The following RBMS1 variants were observed in gnomAD, a reference collection of about 807,000 sequenced individuals.
RBMS1 encodes RNA binding motif single stranded interacting protein 1, also known as RNA-binding motif, single-stranded-interacting protein 1.
RBMS1 carries 17 observed loss-of-function variants against 62.3 expected under a neutral mutation model. The observed-to-expected ratio is 0.27, with a 90% CI of 0.19 to 0.41. The LOEUF (loss-of-function observed/expected upper bound fraction) is 0.41. Ranked by LOEUF, RBMS1 falls within the 10% of genes least tolerant of loss-of-function variation. The probability of loss-of-function intolerance (pLI) is 1.00; values close to 1 mark genes in which losing one functional copy is unlikely to be tolerated. For synonymous variants in RBMS1, 172 were observed against 170.0 expected, an observed-to-expected ratio of 1.01 and a Z score of -0.09; for missense variants, 334 against 504.5, an observed-to-expected ratio of 0.66 and a Z score of 3.24.
At chr2:160,438,115 C>T (rs1683190024) in intron 1 of RBMS1, among the ~76,000 whole-genome samples, 1 of 152,158 alleles carries the variant, frequency 6.6e-6, no homozygotes. Context: ...TTCTCAAGTC[C>T]TTTTTCTTTT....
At chr2:160,326,205 G>T (rs916952847) in intron 2 of RBMS1, among the ~76,000 whole-genome samples, 2 of 152,146 alleles carry the variant, frequency 1.3e-5, no homozygotes, top group Admixed American at 1.3e-4. Context: ...AGAAAGGAGA[G>T]ATCAAACCAA....
At chr2:160,303,985 G>A (rs1689353583) in intron 4 of RBMS1, among the ~76,000 whole-genome samples, 1 of 151,970 alleles carries the variant, frequency 6.6e-6, no homozygotes, top group African/African-American at 2.4e-5. Context: ...CACTACTTTT[G>A]AGTCATGATC....
chr2:160,394,347 G>C (rs974560819), intron 1 of RBMS1, among the ~76,000 whole-genome samples: 1 of 152,186 alleles, frequency 6.6e-6, no homozygotes. Flanking sequence ...AAACCACAGA[G>C]TAAATTCTGC....
At chr2:160,389,782 T>A in intron 1 of RBMS1, among the ~76,000 whole-genome samples, 1 of 147,718 alleles carries the variant, frequency 6.8e-6, no homozygotes. Flanking sequence ...AATCCTTTTA[T>A]AATGAAAATT....
chr2:160,320,526 G>C (rs961579909), intron 2 of RBMS1, among the ~76,000 whole-genome samples: 1 of 152,174 alleles, frequency 6.6e-6, no homozygotes. Context: ...AGAGGTGTCT[G>C]GGTTGTGGGG....
chr2:160,330,630 T>C (rs986792810), intron 2 of RBMS1, among the ~76,000 whole-genome samples: 12 of 151,454 alleles, frequency 7.9e-5, no homozygotes, highest in African/African-American at 2.9e-4. Context: ...TTTTTTTTTT[T>C]GTTTGTTTGC....
intron 2 of RBMS1, among the ~76,000 whole-genome samples, chr2:160,329,943 TG>T (rs899944208): frequency 6.6e-6 from 1 of 152,044 alleles, no homozygotes; most frequent in Non-Finnish European, 1.5e-5. Flanking sequence ...AATGTTGATC[TG>T]AGGCAAAATT....
At chr2:160,480,973 C>T (rs1420316733) in intron 1 of RBMS1, among the ~76,000 whole-genome samples, 1 of 150,884 alleles carries the variant, frequency 6.6e-6, no homozygotes, top group East Asian at 2.0e-4. Context: ...CTCAGCTACT[C>T]AAGAGGCTGA....
At position 160,318,229 on chromosome 2, in the gene RBMS1, T is replaced by TAAAAAAAAAAAAAAAAAAAAAGTAA; in HGVS notation, c.252-3_252-2insTTACTTTTTTTTTTTTTTTTTTTTT. 1 of 1,163,254 alleles carries TAAAAAAAAAAAAAAAAAAAAAGTAA rather than the reference T, an allele frequency of 8.6e-7. No homozygotes were observed. The highest frequency in any genetic ancestry group is 1.1e-6 in the Non-Finnish European group (1 of 929,826). 72.1% of individuals were successfully genotyped at this position (1,163,254 alleles called of 1,614,324 possible). On this transcript the variant is annotated splice_polypyrimidine_tract_variant and splice_region_variant and intron_variant, in intron 2 of 13. Transcript: ENST00000348849. ...TTTGTGGAGACTATTTTCCCATATCTAAAAAAAAAAAAAAAAAAAAAAAGG... is the reference window on the plus strand; with the variant it reads ...TTTGTGGAGACTATTTTCCCATATCTAAAAAAAAAAAAAAAAAAAAAGTAAAAAAAAAAAAAAAAAAAAAAAAAGG...
intron 1 of RBMS1, among the ~76,000 whole-genome samples, chr2:160,442,010 G>A (rs1339725541): frequency 6.6e-6 from 1 of 152,050 alleles, no homozygotes; most frequent in Admixed American, 6.5e-5. Context: ...GTCTTTTTAT[G>A]GTAGATTTGT....
chr2:160,458,945 C>CT (rs1684357338), intron 1 of RBMS1, among the ~76,000 whole-genome samples: 1 of 152,202 alleles, frequency 6.6e-6, no homozygotes, highest in African/African-American at 2.4e-5. Flanking sequence ...TTATGTGCTG[C>CT]TTTGACTTTT....
chr2:160,364,866 C>A (rs1365833209), intron 2 of RBMS1, among the ~76,000 whole-genome samples: 2 of 152,130 alleles, frequency 1.3e-5, no homozygotes, highest in Non-Finnish European at 1.5e-5. Context: ...TTCGTTACCC[C>A]CCTAATTCAG....
chr2:160,314,052 G>T (rs887929507), intron 3 of RBMS1, among the ~76,000 whole-genome samples: 28 of 152,160 alleles, frequency 1.8e-4, no homozygotes, highest in Non-Finnish European at 4.0e-4. Context: ...AGGGGAAAAG[G>T]GGGGCTGGGG....
chr2:160,458,025 G>C (rs1457066327), intron 1 of RBMS1, among the ~76,000 whole-genome samples: 1 of 152,098 alleles, frequency 6.6e-6, no homozygotes, highest in Non-Finnish European at 1.5e-5. Flanking sequence ...GCCGAGTGGT[G>C]TGATCATTGC....
chr2:160,281,402 C>A, intron 9 of RBMS1, 38 bp from the exon 10 acceptor site: 1 of 1,498,006 alleles, frequency 6.7e-7, no homozygotes, highest in South Asian at 1.2e-5. Flanking sequence ...TATTGATTTT[C>A]ATTGTAAAGC....
intron 13 of RBMS1, 114 bp from the exon 14 acceptor site, chr2:160,274,878 C>T (rs1396648408): frequency 6.6e-6 from 1 of 152,614 alleles, no homozygotes; most frequent in Non-Finnish European, 1.5e-5. Flanking sequence ...AGGTTATGCT[C>T]ATCACTGATG....
At chr2:160,434,502 A>C (rs79357542) in intron 1 of RBMS1, among the ~76,000 whole-genome samples, 1 of 152,062 alleles carries the variant, frequency 6.6e-6, no homozygotes, top group Admixed American at 6.5e-5. Flanking sequence ...AAAAAAAAAA[A>C]CAGCAACGCA....
intron 1 of RBMS1, among the ~76,000 whole-genome samples, chr2:160,390,844 T>C (rs138264383): frequency 2.0e-5 from 3 of 151,386 alleles, no homozygotes; most frequent in Non-Finnish European, 4.4e-5. Flanking sequence ...AAGCTATTAA[T>C]ATTTCTGTAA....
chr2:160,290,617 C>G (rs1346556347), intron 6 of RBMS1, among the ~76,000 whole-genome samples: 1 of 152,102 alleles, frequency 6.6e-6, no homozygotes, highest in Non-Finnish European at 1.5e-5. Context: ...TAAAGGGATT[C>G]TCATTCTCAT....
Sources: allele counts gnomAD v4.1 joint callset (sites outside exome capture counted in the v4.1 genomes callset), GRCh38; gene constraint gnomAD v4.1.1; transcripts MANE v1.5; gene names NCBI Gene and HGNC (gene_info 2026-07-23, HGNC 2026-07-21).